RSBN1L: variants seen among roughly 807,000 people sequenced by gnomAD.
RSBN1L encodes lysine-specific demethylase RSBN1L.
Under a neutral mutation model 67.7 loss-of-function variants are expected in RSBN1L, and 30 were observed. The ratio of observed to expected loss-of-function variants is 0.44; its 90% CI spans 0.33 to 0.60. The LOEUF (loss-of-function observed/expected upper bound fraction) is 0.60, where lower values mean the gene tolerates loss of function less well. Ranked by LOEUF, RSBN1L falls within the 20% of genes least tolerant of loss-of-function variation. The pLI is 0.02. For synonymous variants in RSBN1L, 433 were observed against 387.0 expected (o/e 1.12, Z -1.39); for missense variants, 992 against 1,031.7 (o/e 0.96, Z 0.53).
At position 77,696,783 on chromosome 7, in the gene RSBN1L, C is replaced by T. The variant is rs1287484678; in HGVS notation, c.314C>T (p.Ser105Phe). The T allele has an allele frequency of 1.2e-6, 2 of 1,613,698 alleles. No individual in the cohort carries two copies. The highest frequency in any genetic ancestry group is 2.2e-5 in the East Asian group (1 of 44,900). Residue 105 changes from serine (S) to phenylalanine (F), a missense_variant, in exon 1 of 8, where the codon TCT becomes TTT. Coordinates refer to ENST00000334955, the MANE Select transcript of RSBN1L (RefSeq NM_198467.3). ...CCGTCCTCTTCTCGGAGCAGTTTCT[C>T]TTTCTCCGCTGGCACGGCCGTTCCC... is the stretch of plus-strand genomic sequence containing the variant. ...PSPSSSRSSF[S>F]FSAGTAVPSS...
At chr7:77,754,906 A>G (rs1791597896) in intron 3 of RSBN1L, among the ~76,000 whole-genome samples, 2 of 152,178 alleles carry the variant, frequency 1.3e-5, no homozygotes, top group Admixed American at 1.3e-4. Context: ...AAGTTTAGTA[A>G]TTAGGTTTTA....
chr7:77,766,520 CT>C (rs750812101), intron 4 of RSBN1L, among the ~76,000 whole-genome samples: 1,599 of 143,520 alleles, frequency 0.011, 17 homozygotes, highest in African/African-American at 0.026. Context: ...AGCCAGATTC[CT>C]TTTTTTTTTT....
At chr7:77,753,128 G>C (rs994680093) in intron 3 of RSBN1L, among the ~76,000 whole-genome samples, 1 of 152,172 alleles carries the variant, frequency 6.6e-6, no homozygotes, top group Non-Finnish European at 1.5e-5. Context: ...CACATGTCTT[G>C]ATGAGCATAT....
At chr7:77,757,372 AT>A (rs1240725625) in intron 3 of RSBN1L, among the ~76,000 whole-genome samples, 4 of 152,176 alleles carry the variant, frequency 2.6e-5, no homozygotes, top group Non-Finnish European at 5.9e-5. Context: ...ACCATGTGGT[AT>A]TATATATATT....
intron 2 of RSBN1L, 57 bp from the exon 3 acceptor site, chr7:77,749,367 A>G (rs1159294383): frequency 7.7e-7 from 1 of 1,303,578 alleles, no homozygotes; most frequent in Non-Finnish European, 1.0e-6. Flanking sequence ...CTGTTCCTAA[A>G]GCATGGTTTT....
chr7:77,727,641 T>TC (rs1423646442), intron 1 of RSBN1L, among the ~76,000 whole-genome samples: 1 of 151,250 alleles, frequency 6.6e-6, no homozygotes, highest in Non-Finnish European at 1.5e-5. Context: ...TTTTTTTTTT[T>TC]CCCCTGTAGA....
intron 6 of RSBN1L, among the ~76,000 whole-genome samples, chr7:77,776,088 G>A (rs912324371): frequency 1.3e-5 from 2 of 152,198 alleles, no homozygotes; most frequent in Non-Finnish European, 2.9e-5. Context: ...TGTTGTTAGG[G>A]ATATAGTGCT....
intron 6 of RSBN1L, among the ~76,000 whole-genome samples, chr7:77,776,087 G>T (rs539759769): frequency 6.6e-6 from 1 of 152,134 alleles, no homozygotes; most frequent in Non-Finnish European, 1.5e-5. Context: ...CTGTTGTTAG[G>T]GATATAGTGC....
rs182162999 is a variant in RSBN1L at position 77,736,792 on chromosome 7, C to G, written c.703+266C>G. ...TAAATTATTTTAAAATAAGTTAATT[C>G]TATGTTTGCATTACTAGTCTTACTC... On this transcript the variant is annotated intron_variant, in intron 2 of 7. Transcript: ENST00000334955. Among the ~76,000 whole-genome samples the G allele has an allele frequency of 2.1e-3, 320 of 152,186 alleles. 2 individuals carry two copies. The highest frequency in any genetic ancestry group is 7.3e-3 in the African/African-American group (304 of 41,546).
chr7:77,751,384 CCT>C (rs1791554894), intron 3 of RSBN1L, among the ~76,000 whole-genome samples: 1 of 152,204 alleles, frequency 6.6e-6, no homozygotes, highest in Admixed American at 6.5e-5. Context: ...AAGTGACCTG[CCT>C]GCCTTGGCCT....
chr7:77,745,710 G>A (rs549536555), intron 2 of RSBN1L, among the ~76,000 whole-genome samples: 147 of 152,102 alleles, frequency 9.7e-4, no homozygotes, highest in Non-Finnish European at 1.3e-3. Context: ...GATGATTCAA[G>A]GACACTACAT....
intron 1 of RSBN1L, among the ~76,000 whole-genome samples, chr7:77,716,413 A>C (rs997342052): frequency 1.4e-5 from 2 of 144,714 alleles, no homozygotes; most frequent in African/African-American, 5.1e-5. Flanking sequence ...GCAGCCTTGA[A>C]CTCTTGGGCT....
intron 3 of RSBN1L, among the ~76,000 whole-genome samples, chr7:77,765,232 C>T (rs1027771788): frequency 1.3e-5 from 2 of 151,032 alleles, no homozygotes; most frequent in Non-Finnish European, 2.9e-5. Context: ...TGTCTTAACT[C>T]TGTTTTCATA....
chr7:77,740,869 C>A (rs1791399316), intron 2 of RSBN1L, among the ~76,000 whole-genome samples: 1 of 151,954 alleles, frequency 6.6e-6, no homozygotes, highest in Non-Finnish European at 1.5e-5. Context: ...GGCACACTCT[C>A]TCTGGCTCTG....
intron 1 of RSBN1L, 85 bp downstream of exon 1, chr7:77,697,140 C>CGCGGCGGCCGCGT (rs1486039429): frequency 7.8e-7 from 1 of 1,276,106 alleles, no homozygotes; most frequent in African/African-American, 1.6e-5. Context: ...GAAGGGGGAG[C>CGCGGCGGCCGCGT]GCGGCGGCCG....
intron 1 of RSBN1L, among the ~76,000 whole-genome samples, chr7:77,705,510 G>GTTTT (rs56187940): frequency 0.24 from 26,267 of 111,218 alleles, 3,936 homozygotes; most frequent in African/African-American, 0.33. Context: ...CATTGTAATG[G>GTTTT]TTTTTTTTTT....
intron 6 of RSBN1L, 134 bp downstream of exon 6, chr7:77,773,448 A>G: frequency 1.8e-6 from 1 of 562,964 alleles, no homozygotes; most frequent in Non-Finnish European, 2.9e-6. Flanking sequence ...TCTTAATTGT[A>G]TAATTGTACT....
At chr7:77,778,005 A>C (rs927849111) in intron 6 of RSBN1L, among the ~76,000 whole-genome samples, 2 of 152,182 alleles carry the variant, frequency 1.3e-5, no homozygotes, top group African/African-American at 4.8e-5. Flanking sequence ...TTTAGCACTT[A>C]AATTTATGAA....
chr7:77,734,999 T>G (rs899105293), intron 1 of RSBN1L, among the ~76,000 whole-genome samples: 1 of 152,050 alleles, frequency 6.6e-6, no homozygotes, highest in Non-Finnish European at 1.5e-5. Context: ...GTGTATTTGT[T>G]GAGTCAGTGA....
Sources: gnomAD v4.1 joint callset for allele counts (sites outside exome capture counted in the v4.1 genomes callset) on GRCh38, gnomAD v4.1.1 for gene constraint, MANE v1.5 for transcripts, NCBI Gene and HGNC (gene_info 2026-07-23, HGNC 2026-07-21) for gene names.